Variants in FGF12 observed in about 807,000 individuals in gnomAD.
The protein encoded by FGF12 is fibroblast growth factor 12.
Under a neutral mutation model 23.6 loss-of-function variants are expected in FGF12, and 14 were observed. That is an observed-to-expected ratio of 0.59 (90% CI 0.39 to 0.93). FGF12 has a LOEUF of 0.93. FGF12 is among the 40% of genes least tolerant of loss of function. The probability of loss-of-function intolerance (pLI) is 0.00; values close to 1 mark genes in which losing one functional copy is unlikely to be tolerated. For missense variants in FGF12, 175 were observed against 217.8 expected, an observed-to-expected ratio of 0.80 and a Z score of 1.24; for synonymous variants, 62 against 77.3, an observed-to-expected ratio of 0.80 and a Z score of 1.04.
In FGF12 at chr3:192,246,914, GAAAA is replaced by G. The variant is rs1487516047; in HGVS notation, c.229-76262_229-76259del. Among the ~76,000 whole-genome samples the G allele has an allele frequency of 1.8e-4, 20 of 111,964 alleles. 2 individuals carry two copies. Among genetic ancestry groups the G allele is most frequent in the Admixed American group, 1.0e-3 (11 of 10,600 alleles). 73.5% of individuals were successfully genotyped at this position (111,964 alleles called of 152,430 possible). A position where few individuals can be genotyped will look rare whatever the true frequency, so the allele number is the denominator to read the frequency against. On this transcript the variant is annotated intron_variant, in intron 4 of 5. Transcript: ENST00000445105. Reference sequence around the variant, plus strand: ...GAGAGGAAGAAAGAAGAAAGAAAGAGAAAAAGAAAGAAAGAAAGAAGGAAAGAAA... The same window carrying G: ...GAGAGGAAGAAAGAAGAAAGAAAGAGAGAAAGAAAGAAAGAAGGAAAGAAA...
intron 2 of FGF12, among the ~76,000 whole-genome samples, chr3:192,519,691 G>A (rs1255517911): frequency 6.6e-6 from 1 of 152,184 alleles, no homozygotes; most frequent in Non-Finnish European, 1.5e-5. Flanking sequence ...TTGCCCGGCA[G>A]TGACTTTTGT....
intron 4 of FGF12, among the ~76,000 whole-genome samples, chr3:192,278,509 C>A (rs189395519): frequency 6.6e-6 from 1 of 152,150 alleles, no homozygotes; most frequent in East Asian, 1.9e-4. Flanking sequence ...TTTGACTGAA[C>A]GGCATTCCCA....
chr3:192,667,819 T>C (rs548155231), intron 2 of FGF12, among the ~76,000 whole-genome samples: 2 of 152,024 alleles, frequency 1.3e-5, no homozygotes, highest in Non-Finnish European at 2.9e-5. Context: ...TATTGACACA[T>C]TTTGAACATC....
chr3:192,416,583 C>T (rs1721360183), intron 2 of FGF12, among the ~76,000 whole-genome samples: 1 of 152,028 alleles, frequency 6.6e-6, no homozygotes, highest in Non-Finnish European at 1.5e-5. Flanking sequence ...ATTTAAATAT[C>T]CCTAAATTAG....
chr3:192,530,127 GT>G (rs111505241), intron 2 of FGF12, among the ~76,000 whole-genome samples: 15 of 146,422 alleles, frequency 1.0e-4, no homozygotes, highest in South Asian at 2.2e-4. Context: ...TCTCCATCCT[GT>G]TTTTTTTTTT....
chr3:192,610,094 A>G (rs1232182130), intron 2 of FGF12, among the ~76,000 whole-genome samples: 7 of 152,158 alleles, frequency 4.6e-5, no homozygotes, highest in African/African-American at 1.7e-4. Flanking sequence ...ACTATCATAT[A>G]TAACTTTTCA....
intron 2 of FGF12, among the ~76,000 whole-genome samples, chr3:192,622,531 C>T (rs1715011823): frequency 6.6e-6 from 1 of 152,088 alleles, no homozygotes; most frequent in African/African-American, 2.4e-5. Flanking sequence ...AGGCAGGTCC[C>T]CACATAATTC....
intron 4 of FGF12, among the ~76,000 whole-genome samples, chr3:192,282,254 A>G (rs889149464): frequency 1.8e-4 from 27 of 152,152 alleles, no homozygotes; most frequent in Non-Finnish European, 3.7e-4. Context: ...TAGGTACTCA[A>G]CACAACACAT....
At chr3:192,628,241 C>T (rs1715247585) in intron 2 of FGF12, among the ~76,000 whole-genome samples, 1 of 151,878 alleles carries the variant, frequency 6.6e-6, no homozygotes, top group Admixed American at 6.6e-5. Context: ...TTTGTTAAAC[C>T]ATTCTCCTGT....
chr3:192,155,388 T>A (rs926811944), intron 5 of FGF12, among the ~76,000 whole-genome samples: 1 of 152,192 alleles, frequency 6.6e-6, no homozygotes, highest in African/African-American at 2.4e-5. Flanking sequence ...CACAATTTCG[T>A]AGGAATAAAT....
At chr3:192,545,006 G>A (rs1336589989) in intron 2 of FGF12, among the ~76,000 whole-genome samples, 1 of 152,128 alleles carries the variant, frequency 6.6e-6, no homozygotes, top group Non-Finnish European at 1.5e-5. Context: ...GATAGCTTAA[G>A]GAGAACTTGA....
At chr3:192,385,638 G>T (rs1720007953) in intron 2 of FGF12, among the ~76,000 whole-genome samples, 1 of 124,576 alleles carries the variant, frequency 8.0e-6, no homozygotes, top group Non-Finnish European at 1.7e-5. Flanking sequence ...GACCCATAGG[G>T]ATTCACATAT....
At chr3:192,166,407 T>C (rs1715164176) in intron 5 of FGF12, among the ~76,000 whole-genome samples, 1 of 152,174 alleles carries the variant, frequency 6.6e-6, no homozygotes, top group Admixed American at 6.6e-5. Context: ...TTAGGAGACA[T>C]TTATTCAAGA....
At chr3:192,358,391 T>A (rs1019458868) in intron 3 of FGF12, among the ~76,000 whole-genome samples, 10 of 152,076 alleles carry the variant, frequency 6.6e-5, no homozygotes, top group Non-Finnish European at 7.4e-5. Context: ...ATTAAGATAG[T>A]TTATCTTAAT....
In FGF12 at chr3:192,409,903, C is replaced by CCCG. The variant is rs755314455; in HGVS notation, c.14-49368_14-49366dup. ...AGAGCCGCGGGCTTGCGGGGCGCCCCCCGCCGCCGCGCCGCCGCCTCCCCA... is the reference window on the plus strand; with the variant it reads ...AGAGCCGCGGGCTTGCGGGGCGCCCCCCGCCGCCGCCGCGCCGCCGCCTCCCCA... On this transcript the variant is annotated intron_variant, in intron 2 of 5. Transcript: ENST00000445105. This position sits in a 1 kb window ranked among gnomAD's most constrained non-coding sequence, Gnocchi z 4.8. 1.1e-4 allele frequency among the ~76,000 whole-genome samples: 17 copies of CCCG among 151,774 alleles called. No individual in the cohort carries two copies. Among genetic ancestry groups the CCCG allele is most frequent in the Non-Finnish European group, 1.2e-4 (8 of 67,894 alleles).
chr3:192,417,081 A>G (rs1665427463), intron 2 of FGF12, among the ~76,000 whole-genome samples: 1 of 152,098 alleles, frequency 6.6e-6, no homozygotes. Context: ...ACATTGTAGT[A>G]AGCTAGCAAC....
intron 2 of FGF12, among the ~76,000 whole-genome samples, chr3:192,723,738 A>G (rs1464713566): frequency 6.6e-6 from 1 of 151,816 alleles, no homozygotes; most frequent in South Asian, 2.1e-4. Flanking sequence ...GCATCTTTAC[A>G]TTTGAAAAGC....
At position 192,702,452 on chromosome 3, in the gene FGF12, G is replaced by A. The variant is rs142525721; in HGVS notation, c.13+24729C>T. Among the ~76,000 whole-genome samples, 240 of 152,166 alleles carry A rather than the reference G, an allele frequency of 1.6e-3. 1 individual carries two copies. The highest frequency in any genetic ancestry group is 5.4e-3 in the African/African-American group (223 of 41,504). ...TATGTAAGTTGAAAACTTTCTTATA[G>A]CCTTCTTATTTAAAAAGAGAATGAC... On this transcript the variant is annotated intron_variant, in intron 2 of 5. Transcript: ENST00000445105.
intron 2 of FGF12, among the ~76,000 whole-genome samples, chr3:192,626,503 T>C (rs1715173664): frequency 6.6e-6 from 1 of 152,226 alleles, no homozygotes; most frequent in Non-Finnish European, 1.5e-5. Flanking sequence ...CTCTCAGAAA[T>C]GGACTAACTG....
Sources: gnomAD v4.1 joint callset for allele counts (sites outside exome capture counted in the v4.1 genomes callset) on GRCh38, gnomAD v4.1.1 for gene constraint, Gnocchi (gnomAD v3.1) non-coding constraint, MANE v1.5 for transcripts, NCBI Gene and HGNC (gene_info 2026-07-23, HGNC 2026-07-21) for gene names.